The following DMRT1 variants were observed in gnomAD, a reference collection of about 807,000 sequenced individuals.
The protein encoded by DMRT1 is doublesex and mab-3 related transcription factor 1.
DMRT1 carries 7 observed loss-of-function variants against 32.3 expected under a neutral mutation model. That is an observed-to-expected ratio of 0.22 (90% confidence interval 0.12 to 0.41). The LOEUF (loss-of-function observed/expected upper bound fraction) is 0.41, where lower values mean the gene tolerates loss of function less well. Among genes scored for constraint, DMRT1 ranks in the 10% least tolerant of loss-of-function variants. The pLI is 1.00. For missense variants in DMRT1, 625 were observed against 500.5 expected (o/e 1.25, Z -2.37); for synonymous variants, 278 against 206.1 (o/e 1.35, Z -2.99).
chr9:885,007 C>T (rs968747319), intron 2 of DMRT1, among the ~76,000 whole-genome samples: 1 of 152,190 alleles, frequency 6.6e-6, no homozygotes, highest in Non-Finnish European at 1.5e-5. Flanking sequence ...TTCATATTTC[C>T]ATTTGCATCA....
intron 4 of DMRT1, among the ~76,000 whole-genome samples, chr9:958,143 T>G (rs1288977478): frequency 6.6e-6 from 1 of 152,230 alleles, no homozygotes; most frequent in Non-Finnish European, 1.5e-5. Context: ...GTGTGTTACA[T>G]GTAATGTTCA....
chr9:846,142 C>T (rs1285888647), intron 1 of DMRT1, among the ~76,000 whole-genome samples: 1 of 151,810 alleles, frequency 6.6e-6, no homozygotes, highest in Non-Finnish European at 1.5e-5. Context: ...AGCAATTCCC[C>T]TGCCTCAGCC....
chr9:930,412 A>C (rs1011993821), intron 4 of DMRT1, among the ~76,000 whole-genome samples: 2 of 151,428 alleles, frequency 1.3e-5, no homozygotes, highest in African/African-American at 4.9e-5. Context: ...TTTTTATTAA[A>C]AAAATTTTTT....
chr9:889,272 A>G (rs1050574746), intron 2 of DMRT1, among the ~76,000 whole-genome samples: 5 of 152,228 alleles, frequency 3.3e-5, no homozygotes, highest in Non-Finnish European at 5.9e-5. Context: ...TAACATATAG[A>G]ATTCGGTGGT....
intron 2 of DMRT1, among the ~76,000 whole-genome samples, chr9:856,526 T>A (rs932479199): frequency 6.6e-5 from 10 of 152,246 alleles, no homozygotes; most frequent in African/African-American, 2.4e-4. Context: ...TTACTTAGCC[T>A]GATGTTTCTA....
chr9:901,735 C>T (rs1303309325), intron 3 of DMRT1, among the ~76,000 whole-genome samples: 1 of 151,812 alleles, frequency 6.6e-6, no homozygotes, highest in Non-Finnish European at 1.5e-5. Context: ...TCACTGGAAA[C>T]TCCTGGGAAG....
intron 2 of DMRT1, among the ~76,000 whole-genome samples, chr9:892,157 G>T (rs986978494): frequency 6.6e-6 from 1 of 152,182 alleles, no homozygotes; most frequent in Non-Finnish European, 1.5e-5. Context: ...TTCTAGAACT[G>T]TTTGCTTGAT....
At chr9:888,438 C>A (rs1174132222) in intron 2 of DMRT1, among the ~76,000 whole-genome samples, 1 of 152,020 alleles carries the variant, frequency 6.6e-6, no homozygotes, top group African/African-American at 2.4e-5. Flanking sequence ...CCCTTAGTGG[C>A]TGGGACTACA....
intron 3 of DMRT1, 38 bp downstream of exon 3, chr9:894,233 T>A (rs1398656707): frequency 6.2e-7 from 1 of 1,608,022 alleles, no homozygotes; most frequent in African/African-American, 1.3e-5. Context: ...ACTGGTTGTG[T>A]GAAAGCCACA....
intron 2 of DMRT1, among the ~76,000 whole-genome samples, chr9:850,833 A>T (rs1246852729): frequency 6.6e-6 from 1 of 152,108 alleles, no homozygotes; most frequent in Non-Finnish European, 1.5e-5. Context: ...GTTCTAGACC[A>T]GCCTGGCCAA....
chr9:852,514 T>A (rs1564196905), intron 2 of DMRT1, among the ~76,000 whole-genome samples: 2 of 152,086 alleles, frequency 1.3e-5, no homozygotes, highest in East Asian at 3.8e-4. Context: ...TTCTTCAGCC[T>A]CCCGTGCTCC....
chr9:863,163 A>AAT (rs1398454969), intron 2 of DMRT1, among the ~76,000 whole-genome samples: 1 of 150,908 alleles, frequency 6.6e-6, no homozygotes, highest in Non-Finnish European at 1.5e-5. Flanking sequence ...AAAAAAAAAA[A>AAT]AAAAATTAGC....
chr9:860,251 C>T (rs1589458932), intron 2 of DMRT1, among the ~76,000 whole-genome samples: 2 of 152,188 alleles, frequency 1.3e-5, no homozygotes, highest in Middle Eastern at 3.4e-3. Flanking sequence ...GAGCCGAGAT[C>T]GTGCCATTGT....
intron 4 of DMRT1, among the ~76,000 whole-genome samples, chr9:952,705 A>G (rs954196803): frequency 5.3e-5 from 8 of 152,222 alleles, no homozygotes; most frequent in African/African-American, 1.9e-4. Context: ...TTTTCAAATT[A>G]AAGATTTAAT....
At chr9:886,916 G>T (rs1408442897) in intron 2 of DMRT1, among the ~76,000 whole-genome samples, 1 of 152,166 alleles carries the variant, frequency 6.6e-6, no homozygotes, top group Non-Finnish European at 1.5e-5. Flanking sequence ...GTCAGTCTGG[G>T]CAAGGAATCG....
chr9:860,576 C>T (rs1450144308), intron 2 of DMRT1, among the ~76,000 whole-genome samples: 1 of 152,108 alleles, frequency 6.6e-6, no homozygotes, highest in Non-Finnish European at 1.5e-5. Flanking sequence ...ATATATCTCT[C>T]ACATGGACCT....
intron 2 of DMRT1, among the ~76,000 whole-genome samples, chr9:864,485 G>A: frequency 7.3e-6 from 1 of 137,416 alleles, no homozygotes; most frequent in Middle Eastern, 4.8e-3. Context: ...GAGCCACCAT[G>A]CCCAGCCAGT....
At chr9:950,366 A>C (rs1414651331) in intron 4 of DMRT1, among the ~76,000 whole-genome samples, 1 of 152,084 alleles carries the variant, frequency 6.6e-6, no homozygotes. Context: ...CACCACCAGC[A>C]AGCTTGTTGT....
At chr9:883,983 A>C (rs933935127) in intron 2 of DMRT1, among the ~76,000 whole-genome samples, 3 of 152,176 alleles carry the variant, frequency 2.0e-5, no homozygotes, top group Non-Finnish European at 2.9e-5. Context: ...TTACAAAGAG[A>C]AAATCTGGAG....
Sources: gnomAD v4.1 joint callset for allele counts (sites outside exome capture counted in the v4.1 genomes callset) on GRCh38, gnomAD v4.1.1 for gene constraint, MANE v1.5 for transcripts, NCBI Gene and HGNC (gene_info 2026-07-23, HGNC 2026-07-21) for gene names.